Variants in GPRIN3 observed in about 807,000 individuals in gnomAD.
GPRIN3 encodes the protein GPRIN family member 3, also known as G protein-regulated inducer of neurite outgrowth 3.
GPRIN3 carries 12 observed loss-of-function variants against 13.7 expected under a neutral mutation model. The observed-to-expected ratio is 0.87, with a 90% CI of 0.56 to 1.42. GPRIN3 has a LOEUF of 1.42. GPRIN3 is among the 40% of genes most tolerant of loss of function. The pLI is 0.00. For missense variants in GPRIN3, 1,009 were observed against 958.7 expected (o/e 1.05, Z -0.69); for synonymous variants, 377 against 372.7 (o/e 1.01, Z -0.13).
Position 89,244,235 on chromosome 4 carries a change from T to A in GPRIN3, c.*3545A>T, listed in dbSNP as rs968169122. On this transcript the variant is annotated 3_prime_UTR_variant, in exon 2 of 2. Transcript: ENST00000609438. ...TAAGACAGCAAGCTCCTATTATGAA[T>A]TTGGTTCTGAAATCCAACCTCTAAG... 2.6e-5 allele frequency: 4 copies of A among 152,174 alleles called. No individual in the cohort carries two copies. Among genetic ancestry groups the A allele is most frequent in the Admixed American group, 6.5e-5 (1 of 15,278 alleles). The allele number at this position is 152,174 out of a possible 1,614,324, so 9.4% of individuals were successfully genotyped here.
intron 1 of GPRIN3, among the ~76,000 whole-genome samples, chr4:89,273,776 G>C (rs903228142): frequency 1.3e-5 from 2 of 152,174 alleles, no homozygotes; most frequent in African/African-American, 4.8e-5. Context: ...GCAAATCTCT[G>C]TGATATGACC....
In GPRIN3 at chr4:89,241,639, G is replaced by C. The variant is rs557659070; in HGVS notation, c.*6141C>G. The C allele has an allele frequency of 6.6e-6, 1 of 152,250 alleles. No individual in the cohort carries two copies. Among genetic ancestry groups the C allele is most frequent in the East Asian group, 1.9e-4 (1 of 5,188 alleles). 9.4% of individuals were successfully genotyped at this position (152,250 alleles called of 1,614,324 possible). On this transcript the variant is annotated 3_prime_UTR_variant, in exon 2 of 2. Coordinates refer to ENST00000609438, the MANE Select transcript of GPRIN3 (RefSeq NM_198281.3). Reference sequence around the variant, plus strand: ...TTTCCTCTCCTCTAGGGATTGGGGAGTATGACTATAATACTGCAATCTCCT... The same window carrying C: ...TTTCCTCTCCTCTAGGGATTGGGGACTATGACTATAATACTGCAATCTCCT...
chr4:89,260,540 T>A (rs1723595845), intron 1 of GPRIN3, among the ~76,000 whole-genome samples: 1 of 152,214 alleles, frequency 6.6e-6, no homozygotes, highest in South Asian at 2.1e-4. Context: ...TAAGGAAATA[T>A]CAATCCTTTT....
rs1013705372 is a variant in GPRIN3, at chr4:89,245,039, CAAATAAGGTATACT to C, written c.*2727_*2740del. The C allele has an allele frequency of 1.5e-4, 23 of 152,238 alleles. No homozygotes were observed. The highest frequency in any genetic ancestry group is 4.3e-4 in the African/African-American group (18 of 41,530). 9.4% of individuals were successfully genotyped at this position (152,238 alleles called of 1,614,324 possible). On this transcript the variant is annotated 3_prime_UTR_variant, in exon 2 of 2. Coordinates refer to ENST00000609438, the MANE Select transcript of GPRIN3 (RefSeq NM_198281.3). ...TCTGTTGAATGAACCTTAGGTTTCA[CAAATAAGGTATACT>C]AAATGCCTAATGCTATGTCACAGAT...
At chr4:89,264,739 G>C (rs1723737630) in intron 1 of GPRIN3, among the ~76,000 whole-genome samples, 1 of 152,160 alleles carries the variant, frequency 6.6e-6, no homozygotes, top group South Asian at 2.1e-4. Flanking sequence ...TGCAGACTAA[G>C]CTATTGTTAA....
chr4:89,283,524 C>A (rs190038618), intron 1 of GPRIN3, among the ~76,000 whole-genome samples: 1 of 152,222 alleles, frequency 6.6e-6, no homozygotes, highest in African/African-American at 2.4e-5. Context: ...ATCTGCCAGT[C>A]CTCACCTTCA....
At chr4:89,274,845 C>G (rs1231795194) in intron 1 of GPRIN3, among the ~76,000 whole-genome samples, 1 of 152,156 alleles carries the variant, frequency 6.6e-6, no homozygotes, top group African/African-American at 2.4e-5. Flanking sequence ...GCAATTGTCT[C>G]CCAACCCCTT....
intron 1 of GPRIN3, among the ~76,000 whole-genome samples, chr4:89,260,172 G>A (rs1723585905): frequency 6.6e-6 from 1 of 152,184 alleles, no homozygotes; most frequent in Admixed American, 6.5e-5. Context: ...ATACAGTGAG[G>A]AATCCACAGG....
intron 1 of GPRIN3, among the ~76,000 whole-genome samples, chr4:89,297,588 G>C (rs1350766584): frequency 6.6e-6 from 1 of 152,118 alleles, no homozygotes; most frequent in Non-Finnish European, 1.5e-5. Context: ...CTCCCAGTCA[G>C]GGCAAATACA....
At position 89,238,662 on chromosome 4, in the gene GPRIN3, G is replaced by C. The variant is rs1434868833; in HGVS notation, c.*9118C>G. The C allele has an allele frequency of 6.6e-6, 1 of 151,896 alleles. No individual in the cohort carries two copies. The highest frequency in any genetic ancestry group is 2.4e-5 in the African/African-American group (1 of 41,334). 9.4% of individuals were successfully genotyped at this position (151,896 alleles called of 1,614,324 possible). A position where few individuals can be genotyped will look rare whatever the true frequency, so the allele number is the denominator to read the frequency against. On this transcript the variant is annotated 3_prime_UTR_variant, in exon 2 of 2. Coordinates refer to ENST00000609438, the MANE Select transcript of GPRIN3 (RefSeq NM_198281.3). ...AAAACCTCGCGTTTGATGACCAGGAGGAATTGTTGATTCTATGGGAATTCT... is the reference window on the plus strand; with the variant it reads ...AAAACCTCGCGTTTGATGACCAGGACGAATTGTTGATTCTATGGGAATTCT...
chr4:89,272,177 A>T (rs770306615), intron 1 of GPRIN3, among the ~76,000 whole-genome samples: 9 of 152,198 alleles, frequency 5.9e-5, no homozygotes, highest in Non-Finnish European at 1.0e-4. Context: ...ACTAAGACAG[A>T]GTAACGGGTT....
rs28647517 is a variant in GPRIN3, at chr4:89,249,086, G to T, written c.1025C>A (p.Ala342Glu). ...AGGAGCACGGCTTTCCTTCAGAAAT[G>T]CAGTGAGGATACTGGGGCTGGTGGA... The part of the protein sequence containing the change: ...SVSTSPSILT[A>E]FLKESRAPEH... Residue 342 changes from alanine to glutamate, a missense_variant, in exon 2 of 2, where the codon GCA (alanine) becomes GAA (glutamate). Transcript: ENST00000609438. 2.6e-3 allele frequency: 4,235 copies of T among 1,614,144 alleles called. 104 individuals are homozygous for T. In the African/African-American group the frequency reaches 0.05, roughly 19 times the overall value.
intron 1 of GPRIN3, among the ~76,000 whole-genome samples, chr4:89,292,728 T>C (rs905548185): frequency 9.2e-5 from 14 of 152,336 alleles, no homozygotes; most frequent in African/African-American, 3.1e-4. Flanking sequence ...CAGCACCAAT[T>C]ACACATGCTT....
At chr4:89,306,463 A>G (rs892950030) in intron 1 of GPRIN3, among the ~76,000 whole-genome samples, 5 of 152,208 alleles carry the variant, frequency 3.3e-5, no homozygotes, top group African/African-American at 1.2e-4. Context: ...TGGTGTTGTA[A>G]ACACTTCAGT....
intron 1 of GPRIN3, chr4:89,251,069 G>A (rs552419632): frequency 6.6e-6 from 1 of 151,978 alleles, no homozygotes; most frequent in South Asian, 2.1e-4. Flanking sequence ...AACCCTAGAG[G>A]GCAGGCAAAA....
At chr4:89,273,015 AT>A (rs888433665) in intron 1 of GPRIN3, among the ~76,000 whole-genome samples, 10 of 151,538 alleles carry the variant, frequency 6.6e-5, no homozygotes, top group African/African-American at 1.9e-4. Context: ...AATGAACCAC[AT>A]TTTTTTTTGT....
rs577991615 is a variant in GPRIN3, at chr4:89,242,977, T to C, written c.*4803A>G. The C allele has an allele frequency of 2.6e-5, 4 of 152,296 alleles. No individual in the cohort carries two copies. In the South Asian group the frequency reaches 8.3e-4, roughly 32 times the overall value. The allele number at this position is 152,296 out of a possible 1,614,324, so 9.4% of individuals were successfully genotyped here. ...TATCTACACATATATACAGATGCAC[T>C]GGATTTATTTTGAGAGAGGTTATTT... On this transcript the variant is annotated 3_prime_UTR_variant, in exon 2 of 2. Coordinates refer to ENST00000609438, the MANE Select transcript of GPRIN3 (RefSeq NM_198281.3).
Position 89,248,560 on chromosome 4 carries a change from A to G in GPRIN3, c.1551T>C (p.Ser517=). 1.2e-6 allele frequency: 2 copies of G among 1,613,040 alleles called. No individual in the cohort carries two copies. The highest frequency in any genetic ancestry group is 8.5e-7 in the Non-Finnish European group (1 of 1,179,098). ...PDCKLSDSCG[S]ISKADHSGSL... is the part of the protein sequence containing the mutation. ...TCCCAGAATGATCAGCTTTGCTGAT[A>G]GAGCCACAAGAGTCAGATAGTTTGC... is the stretch of plus-strand genomic sequence containing the variant. The change falls in exon 2 of 2, where the codon TCT becomes TCC. Residue 517 remains serine (S), a synonymous_variant. Transcript: ENST00000609438.
chr4:89,259,096 T>C (rs1299618789), intron 1 of GPRIN3, among the ~76,000 whole-genome samples: 1 of 152,258 alleles, frequency 6.6e-6, no homozygotes, highest in African/African-American at 2.4e-5. Flanking sequence ...GTTTACTATA[T>C]GTTCCCCTAA....
Sources: gnomAD v4.1 joint callset for allele counts (sites outside exome capture counted in the v4.1 genomes callset) on GRCh38, gnomAD v4.1.1 for gene constraint, MANE v1.5 for transcripts, NCBI Gene and HGNC (gene_info 2026-07-23, HGNC 2026-07-21) for gene names.